WWC2: variants seen among roughly 807,000 people sequenced by gnomAD.
The protein encoded by WWC2 is WW and C2 domain containing 2, also known as protein WWC2.
WWC2 carries 101 observed loss-of-function variants against 138.5 expected under a neutral mutation model. The observed-to-expected ratio is 0.73, with a 90% CI of 0.62 to 0.86. The LOEUF is 0.86. Ranked by LOEUF, WWC2 falls within the 40% of genes least tolerant of loss-of-function variation. The pLI is 0.00. For synonymous variants in WWC2, 558 were observed against 538.4 expected (o/e 1.04, Z -0.50); for missense variants, 1,420 against 1,419.4 (o/e 1.00, Z -0.01).
intron 1 of WWC2, among the ~76,000 whole-genome samples, chr4:183,178,550 C>T (rs911514786): frequency 6.6e-6 from 1 of 151,348 alleles, no homozygotes; most frequent in Non-Finnish European, 1.5e-5. Context: ...GAGCAAGACC[C>T]CTGAAGTCTT....
intron 1 of WWC2, among the ~76,000 whole-genome samples, chr4:183,104,244 A>T (rs760714565): frequency 1.8e-4 from 28 of 152,168 alleles, no homozygotes; most frequent in Non-Finnish European, 3.7e-4. Flanking sequence ...CCGATTGCTT[A>T]TTACTGCTTT....
intron 4 of WWC2, among the ~76,000 whole-genome samples, chr4:183,210,205 A>G (rs1735557880): frequency 6.6e-6 from 1 of 152,200 alleles, no homozygotes; most frequent in African/African-American, 2.4e-5. Context: ...GAACACTTAT[A>G]TGTTGACCCT....
intron 4 of WWC2, among the ~76,000 whole-genome samples, chr4:183,234,528 TTGTC>T (rs1307102925): frequency 6.6e-6 from 1 of 152,164 alleles, no homozygotes; most frequent in Middle Eastern, 3.2e-3. Context: ...CAATTCTAAT[TTGTC>T]TTTCTTTTTA....
At chr4:183,189,649 C>T (rs548592303) in intron 1 of WWC2, among the ~76,000 whole-genome samples, 39 of 152,288 alleles carry the variant, frequency 2.6e-4, no homozygotes, top group Admixed American at 2.1e-3. Context: ...TGACAGGATT[C>T]GCTCTGCTTT....
intron 1 of WWC2, among the ~76,000 whole-genome samples, chr4:183,181,680 A>G (rs977179537): frequency 1.3e-5 from 2 of 152,202 alleles, no homozygotes; most frequent in African/African-American, 2.4e-5. Flanking sequence ...CTTCCGGTCA[A>G]CAGTAGGCAG....
intron 1 of WWC2, among the ~76,000 whole-genome samples, chr4:183,121,910 C>T (rs972082670): frequency 9.9e-5 from 15 of 151,948 alleles, no homozygotes; most frequent in East Asian, 7.8e-4. Flanking sequence ...CTCAGCTTCC[C>T]GAGTAGCTGG....
In WWC2 at chr4:183,296,933, CAAAAAAAAAAAAAAAAAAAA is replaced by C. The variant is rs776211338; in HGVS notation, c.3384+7315_3384+7334del. ...TGGGCAACAGAGCGAGACTCCGTCT[CAAAAAAAAAAAAAAAAAAAA>C]AAAAAAAAAAAAAAAATTATTTCTT... On this transcript the variant is annotated intron_variant, in intron 21 of 22. Coordinates refer to ENST00000403733, the MANE Select transcript of WWC2 (RefSeq NM_024949.6). Among the ~76,000 whole-genome samples the C allele has an allele frequency of 1.6e-4, 11 of 70,756 alleles. 1 individual carries two copies. The highest frequency in any genetic ancestry group is 2.0e-4 in the Non-Finnish European group (8 of 40,316). The allele number at this position is 70,756 out of a possible 152,430, so 46.4% of individuals were successfully genotyped here.
chr4:183,299,805 G>A (rs999195915), intron 21 of WWC2, among the ~76,000 whole-genome samples: 3 of 152,074 alleles, frequency 2.0e-5, no homozygotes, highest in African/African-American at 7.2e-5. Flanking sequence ...TCAGCAAGAT[G>A]ACCATAAAGT....
chr4:183,189,451 A>C lies in WWC2; in HGVS notation c.132-4148A>C, dbSNP rs1734927051. 2.0e-5 allele frequency among the ~76,000 whole-genome samples: 3 copies of C among 152,162 alleles called. 1 individual carries two copies. In the South Asian group the frequency reaches 6.2e-4, roughly 32 times the overall value. ...GACTCAGTCTCAAAAAAAAAAAAAA[A>C]AGTTATTTCGAGGGAACTAATTGAC... On this transcript the variant is annotated intron_variant, in intron 1 of 22. Coordinates refer to ENST00000403733, the MANE Select transcript of WWC2 (RefSeq NM_024949.6).
intron 4 of WWC2, among the ~76,000 whole-genome samples, chr4:183,224,846 C>T (rs1736028121): frequency 6.6e-6 from 1 of 151,934 alleles, no homozygotes; most frequent in South Asian, 2.1e-4. Flanking sequence ...CAGGTGTGAG[C>T]CACTGCACCT....
At position 183,099,611 on chromosome 4, in the gene WWC2, C is replaced by T. The variant is rs1316532423; in HGVS notation, c.120C>T (p.Asp40=). ...DHNTRRTSWI[D]PRDRLTKPLS... is the part of the protein sequence containing the mutation. ...ACACCAGGAGGACCAGCTGGATCGA[C>T]CCCCGGGACAGGTGGGCGCCGGCCG... Residue 40 remains aspartate (D), a synonymous_variant, in exon 1 of 23, where the codon GAC becomes GAT. Transcript: ENST00000403733. 3 of 1,362,294 alleles carry T rather than the reference C, an allele frequency of 2.2e-6. No homozygotes were observed. Among genetic ancestry groups the T allele is most frequent in the Non-Finnish European group, 2.9e-6 (3 of 1,039,490 alleles). The allele number at this position is 1,362,294 out of a possible 1,614,324, so 84.4% of individuals were successfully genotyped here. A position where few individuals can be genotyped will look rare whatever the true frequency, so the allele number is the denominator to read the frequency against.
At position 183,135,808 on chromosome 4, in the gene WWC2, A is replaced by G. The variant is rs1733092901; in HGVS notation, c.131+36186A>G. On this transcript the variant is annotated intron_variant, in intron 1 of 22. Transcript: ENST00000403733. ...TGTCTTCATTTCATTATCATTTTTG[A>G]CAGATTTTTTGCTAAATATTGAGTT... Among the ~76,000 whole-genome samples, 4 of 152,134 alleles carry G rather than the reference A, an allele frequency of 2.6e-5. No individual in the cohort carries two copies. The South Asian group carries it at 8.3e-4, about 32-fold the overall frequency.
chr4:183,281,898 C>T (rs953116481), intron 17 of WWC2, among the ~76,000 whole-genome samples: 14 of 152,122 alleles, frequency 9.2e-5, no homozygotes, highest in African/African-American at 3.4e-4. Context: ...AAACAGTACT[C>T]TTAATATGTA....
chr4:183,205,147 C>G (rs1265947373), intron 2 of WWC2, among the ~76,000 whole-genome samples: 1 of 152,148 alleles, frequency 6.6e-6, no homozygotes, highest in African/African-American at 2.4e-5. Context: ...AAGTTGTTCT[C>G]CAAAGTGATT....
intron 16 of WWC2, among the ~76,000 whole-genome samples, chr4:183,276,979 T>TTAG (rs1340132284): frequency 1.4e-5 from 2 of 146,238 alleles, no homozygotes; most frequent in African/African-American, 4.9e-5. Context: ...TTTTTTATTA[T>TTAG]TATTATTATT....
chr4:183,281,942 A>G (rs1222065709), intron 17 of WWC2, among the ~76,000 whole-genome samples: 2 of 152,216 alleles, frequency 1.3e-5, no homozygotes, highest in Non-Finnish European at 2.9e-5. Flanking sequence ...GTAGTCATTA[A>G]TGGTTCCCCT....
rs1273011153 is a variant in WWC2 at position 183,261,502 on chromosome 4, G to A, written c.1879G>A (p.Ala627Thr). Residue 627 changes from alanine (A) to threonine (T), a missense_variant, in exon 11 of 23, where the codon GCT (alanine) becomes ACT (threonine). Transcript: ENST00000403733. ...LSEDKDLNEC[A>T]REPLYEGTAD... ...AGAGGATAAAGACCTTAATGAATGT[G>A]CTAGGGAGCCATTATATGAAGGAAC... 4 of 1,612,426 alleles carry A rather than the reference G, an allele frequency of 2.5e-6. No homozygotes were observed. Among genetic ancestry groups the A allele is most frequent in the Non-Finnish European group, 3.4e-6 (4 of 1,179,256 alleles).
At chr4:183,160,766 A>C (rs902365035) in intron 1 of WWC2, among the ~76,000 whole-genome samples, 1 of 152,188 alleles carries the variant, frequency 6.6e-6, no homozygotes, top group Non-Finnish European at 1.5e-5. Context: ...TTAATCTGTT[A>C]GGTGAAGCTG....
At chr4:183,125,310 A>T (rs912530369) in intron 1 of WWC2, among the ~76,000 whole-genome samples, 5 of 152,180 alleles carry the variant, frequency 3.3e-5, no homozygotes, top group African/African-American at 1.2e-4. Flanking sequence ...CTAGTTATAT[A>T]TGAGTGCTCC....
Sources: allele counts gnomAD v4.1 joint callset (sites outside exome capture counted in the v4.1 genomes callset), GRCh38; gene constraint gnomAD v4.1.1; transcripts MANE v1.5; gene names NCBI Gene and HGNC (gene_info 2026-07-23, HGNC 2026-07-21).